The following MALRD1 variants were observed in gnomAD, a reference collection of about 807,000 sequenced individuals.
MALRD1 encodes MAM and LDL-receptor class A domain-containing protein 1.
A neutral mutation model predicts 242.1 loss-of-function variants in MALRD1; 247 were observed. The observed-to-expected ratio is 1.02, with a 90% CI of 0.92 to 1.13. The LOEUF (loss-of-function observed/expected upper bound fraction) is 1.13, where lower values mean the gene tolerates loss of function less well. Ranked by LOEUF, MALRD1 falls within the 50% of genes most tolerant of loss-of-function variation. MALRD1 has a pLI of 0.00. For synonymous variants in MALRD1, 995 were observed against 866.6 expected, an observed-to-expected ratio of 1.15 and a Z score of -2.60; for missense variants, 2,989 against 2,533.1, an observed-to-expected ratio of 1.18 and a Z score of -3.86.
intron 29 of MALRD1, among the ~76,000 whole-genome samples, chr10:19,451,804 C>A (rs1360793731): frequency 6.6e-6 from 1 of 152,136 alleles, no homozygotes; most frequent in Non-Finnish European, 1.5e-5. Flanking sequence ...TCTCCTCCAA[C>A]CTATGTTTCC....
At chr10:19,189,015 T>G (rs551091814) in intron 14 of MALRD1, among the ~76,000 whole-genome samples, 14 of 151,758 alleles carry the variant, frequency 9.2e-5, no homozygotes, top group Non-Finnish European at 1.6e-4. Flanking sequence ...TGACAAACCT[T>G]TAACGAAATG....
chr10:19,695,588 C>T (rs1029693571), intron 38 of MALRD1, among the ~76,000 whole-genome samples: 11 of 149,636 alleles, frequency 7.4e-5, no homozygotes, highest in Admixed American at 1.3e-4. Context: ...GGCACAATCT[C>T]AGCTCACTGC....
At chr10:19,292,861 C>A (rs1841513061) in intron 21 of MALRD1, among the ~76,000 whole-genome samples, 1 of 143,786 alleles carries the variant, frequency 7.0e-6, no homozygotes, top group Non-Finnish European at 1.5e-5. Context: ...CCATTGCACT[C>A]CAGCCTGGGC....
chr10:19,163,712 T>C (rs1160704616), intron 12 of MALRD1, among the ~76,000 whole-genome samples: 1 of 152,236 alleles, frequency 6.6e-6, no homozygotes, highest in Non-Finnish European at 1.5e-5. Context: ...CAATAACTTT[T>C]GTTCAGTGAT....
chr10:19,355,326 G>T (rs918149132), intron 26 of MALRD1, among the ~76,000 whole-genome samples: 3 of 151,746 alleles, frequency 2.0e-5, no homozygotes, highest in Non-Finnish European at 4.4e-5. Flanking sequence ...ACATTGAAAA[G>T]ATATTAAATG....
At chr10:19,113,786 A>AC (rs1836766517) in intron 5 of MALRD1, among the ~76,000 whole-genome samples, 1 of 116,902 alleles carries the variant, frequency 8.6e-6, no homozygotes, top group Non-Finnish European at 1.8e-5. Context: ...TGCCACTACC[A>AC]CCCCCTACAC....
At chr10:19,692,406 C>G in intron 37 of MALRD1, 45 bp downstream of exon 37, 1 of 1,530,856 alleles carries the variant, frequency 6.5e-7, no homozygotes, top group Non-Finnish European at 8.8e-7. Flanking sequence ...TTGGGGTGGT[C>G]TCTAATATAT....
chr10:19,344,700 G>A (rs1439850863), intron 24 of MALRD1, among the ~76,000 whole-genome samples: 1 of 144,494 alleles, frequency 6.9e-6, no homozygotes, highest in Non-Finnish European at 1.5e-5. Flanking sequence ...GATAAAAATT[G>A]CATTTAATAC....
chr10:19,106,426 T>C (rs11008497), intron 5 of MALRD1, among the ~76,000 whole-genome samples: 1 of 151,888 alleles, frequency 6.6e-6, no homozygotes, highest in African/African-American at 2.4e-5. Flanking sequence ...GGTTTTCCAG[T>C]TTATGGTTGT....
intron 36 of MALRD1, among the ~76,000 whole-genome samples, chr10:19,651,592 T>C (rs886307759): frequency 2.0e-5 from 3 of 152,172 alleles, no homozygotes; most frequent in Non-Finnish European, 4.4e-5. Flanking sequence ...AGCATTATTA[T>C]GTACAAGGAC....
chr10:19,071,648 T>A (rs1476249970), intron 2 of MALRD1, among the ~76,000 whole-genome samples: 1 of 152,108 alleles, frequency 6.6e-6, no homozygotes, highest in East Asian at 1.9e-4. Flanking sequence ...CACCAGCATC[T>A]CCTAAGCTGC....
At chr10:19,589,795 G>C (rs902981241) in intron 33 of MALRD1, among the ~76,000 whole-genome samples, 5 of 152,064 alleles carry the variant, frequency 3.3e-5, no homozygotes, top group African/African-American at 1.2e-4. Flanking sequence ...CATCCTTTCT[G>C]ATGGTACTCT....
chr10:19,272,385 C>A (rs1840290311), intron 19 of MALRD1, among the ~76,000 whole-genome samples: 1 of 151,682 alleles, frequency 6.6e-6, no homozygotes, highest in Admixed American at 6.6e-5. Flanking sequence ...GGAATATAAA[C>A]CTGTAAATAA....
chr10:19,114,508 G>C (rs1001287547), intron 5 of MALRD1, among the ~76,000 whole-genome samples: 1 of 152,080 alleles, frequency 6.6e-6, no homozygotes, highest in Non-Finnish European at 1.5e-5. Context: ...ATGATGGCGT[G>C]CAGCTGTAAT....
chr10:19,104,475 A>T (rs957656798), intron 5 of MALRD1, among the ~76,000 whole-genome samples: 1 of 152,170 alleles, frequency 6.6e-6, no homozygotes, highest in African/African-American at 2.4e-5. Context: ...GGTATTAGTT[A>T]TAATCTATTT....
At chr10:19,059,470 C>A (rs1202087830) in intron 1 of MALRD1, among the ~76,000 whole-genome samples, 1 of 152,092 alleles carries the variant, frequency 6.6e-6, no homozygotes, top group Non-Finnish European at 1.5e-5. Flanking sequence ...TCACTGCAAC[C>A]TCTGCCTCCC....
At position 19,177,795 on chromosome 10, in the gene MALRD1, A is replaced by C. The variant is rs571398259; in HGVS notation, c.1951+2467A>C. 1.3e-5 allele frequency among the ~76,000 whole-genome samples: 2 copies of C among 152,128 alleles called. 1 individual carries two copies. Among genetic ancestry groups the C allele is most frequent in the South Asian group, 4.1e-4 (2 of 4,826 alleles). ...CAATGGTAACAGACTGAGCAGGGAA[A>C]CTTAGCAAAGCCTCTGTGTTCAGAG... On this transcript the variant is annotated intron_variant, in intron 14 of 39. Coordinates refer to ENST00000454679, the MANE Select transcript of MALRD1 (RefSeq NM_001142308.3).
At chr10:19,446,786 C>T (rs895846838) in intron 28 of MALRD1, among the ~76,000 whole-genome samples, 1 of 152,040 alleles carries the variant, frequency 6.6e-6, no homozygotes, top group African/African-American at 2.4e-5. Context: ...CTATTTTTTA[C>T]TCTTATTAAT....
At chr10:19,587,494 C>G (rs1290899214) in intron 33 of MALRD1, among the ~76,000 whole-genome samples, 1 of 152,130 alleles carries the variant, frequency 6.6e-6, no homozygotes, top group African/African-American at 2.4e-5. Context: ...AGGTAAAAAT[C>G]CATCAGATTA....
Sources: gnomAD v4.1 joint callset for allele counts (sites outside exome capture counted in the v4.1 genomes callset) on GRCh38, gnomAD v4.1.1 for gene constraint, MANE v1.5 for transcripts, NCBI Gene and HGNC (gene_info 2026-07-23, HGNC 2026-07-21) for gene names.